Variants in ECPAS observed in about 807,000 individuals in gnomAD.
ECPAS encodes Ecm29 proteasome adaptor and scaffold.
In ECPAS, 70 loss-of-function variants were observed where a neutral mutation model predicts 255.1. That is an observed-to-expected ratio of 0.27 (90% CI 0.23 to 0.33). ECPAS has a LOEUF of 0.33. Ranked by LOEUF, ECPAS falls within the 10% of genes least tolerant of loss-of-function variation. The pLI is 1.00. For synonymous variants in ECPAS, 784 were observed against 775.0 expected (o/e 1.01, Z -0.19); for missense variants, 1,817 against 2,206.4 (o/e 0.82, Z 3.54).
At chr9:111,436,059 TGAA>T (rs1248157862) in intron 7 of ECPAS, among the ~76,000 whole-genome samples, 1 of 150,948 alleles carries the variant, frequency 6.6e-6, no homozygotes, top group East Asian at 1.9e-4. Flanking sequence ...CCATAAAACA[TGAA>T]GAAGGAAATC....
chr9:111,419,954 T>A (rs2098210793), intron 16 of ECPAS, 63 bp downstream of exon 16: 13 of 1,200,684 alleles, frequency 1.1e-5, no homozygotes, highest in Non-Finnish European at 1.6e-5. Flanking sequence ...AATACAACTT[T>A]TAGTAATTTT....
chr9:111,440,981 T>C (rs1225196104), intron 5 of ECPAS, among the ~76,000 whole-genome samples: 4 of 148,932 alleles, frequency 2.7e-5, no homozygotes, highest in African/African-American at 9.9e-5. Context: ...TGAAACCCCG[T>C]CTCTACTAAA....
rs1564538701 is a variant in ECPAS at position 111,428,116 on chromosome 9, T to C, written c.976A>G (p.Arg326Gly). 1 of 1,612,914 alleles carries C rather than the reference T, an allele frequency of 6.2e-7. No homozygotes were observed. The highest frequency in any genetic ancestry group is 8.5e-7 in the Non-Finnish European group (1 of 1,179,370). ...TGGGGGACAATCTTTAACTTGACTC[T>C]TGTACTGACAGGGTCCCTTTTCAAC... is the stretch of plus-strand genomic sequence containing the variant. ...PELKRDPVST[R>G]VKLKIVPHLL... The change falls in exon 10 of 50, where the codon AGA becomes GGA. Residue 326 changes from arginine to glycine, a missense_variant. This residue lies in a region of ECPAS where 573 missense variants were observed against 716.2 expected (regional missense o/e 0.80). Transcript: ENST00000684092.
intron 25 of ECPAS, among the ~76,000 whole-genome samples, chr9:111,394,843 G>A (rs1490164796): frequency 1.3e-5 from 2 of 152,142 alleles, no homozygotes; most frequent in Non-Finnish European, 2.9e-5. Context: ...CAAGTGTCTA[G>A]GGGGAAAAAT....
chr9:111,411,447 C>T lies in ECPAS; in HGVS notation c.2215-305G>A, dbSNP rs117450766. 1.4e-3 allele frequency among the ~76,000 whole-genome samples: 217 copies of T among 152,332 alleles called. 2 individuals are homozygous for T. The highest frequency in any genetic ancestry group is 5.0e-3 in the East Asian group (26 of 5,186). ...TCCTACATGCTCCTACATGCTCCCACGCCACTTTCCAGCTTACAGCACTTA... is the reference window on the plus strand; with the variant it reads ...TCCTACATGCTCCTACATGCTCCCATGCCACTTTCCAGCTTACAGCACTTA... On this transcript the variant is annotated intron_variant, in intron 21 of 49. Coordinates refer to ENST00000684092, the MANE Select transcript of ECPAS (RefSeq NM_001364929.1).
At chr9:111,444,804 C>T (rs901304044) in intron 3 of ECPAS, among the ~76,000 whole-genome samples, 4 of 152,024 alleles carry the variant, frequency 2.6e-5, no homozygotes, top group Non-Finnish European at 4.4e-5. Flanking sequence ...TCCGCCTCCC[C>T]GATTCAAGCA....
intron 2 of ECPAS, among the ~76,000 whole-genome samples, chr9:111,466,616 T>TAC (rs55763374): frequency 0.13 from 19,045 of 143,366 alleles, 1,324 homozygotes; most frequent in African/African-American, 0.19. Flanking sequence ...AATAACTAAA[T>TAC]ACACACACAC....
intron 28 of ECPAS, among the ~76,000 whole-genome samples, chr9:111,392,478 C>T (rs117977967): frequency 1.1e-3 from 169 of 152,278 alleles, no homozygotes; most frequent in Non-Finnish European, 2.1e-3. Context: ...GCTTCTTCTC[C>T]GTATCTTAAC....
chr9:111,372,394 T>C (rs753351118), intron 42 of ECPAS, 35 bp downstream of exon 42: 3 of 1,576,524 alleles, frequency 1.9e-6, no homozygotes, highest in Non-Finnish European at 2.6e-6. Context: ...CTGTGATTCC[T>C]AAGAAGCAGG....
chr9:111,423,396 G>A (rs1056753528), intron 12 of ECPAS, 148 bp from the exon 13 acceptor site: 14 of 617,618 alleles, frequency 2.3e-5, no homozygotes, highest in Non-Finnish European at 3.7e-5. Flanking sequence ...CTAACTACAT[G>A]GTGTTAGCAC....
rs1470740522 is a variant in ECPAS at position 111,484,068 on chromosome 9, C to T, written c.-83+48G>A. ...CGGGCGGCCCGGCCTAACCGCGCCGCCGCGCGCGCAGGGCCAGTCCCCCGC... is the reference window on the plus strand; with the variant it reads ...CGGGCGGCCCGGCCTAACCGCGCCGTCGCGCGCGCAGGGCCAGTCCCCCGC... On this transcript the variant is annotated intron_variant, in intron 1 of 49. Transcript: ENST00000684092. 1.5e-5 allele frequency: 17 copies of T among 1,148,022 alleles called. No individual in the cohort carries two copies. Among genetic ancestry groups the T allele is most frequent in the Non-Finnish European group, 1.8e-5 (17 of 936,054 alleles). 71.1% of individuals were successfully genotyped at this position (1,148,022 alleles called of 1,614,324 possible).
chr9:111,470,115 T>C (rs1258591267), intron 2 of ECPAS, among the ~76,000 whole-genome samples: 1 of 152,118 alleles, frequency 6.6e-6, no homozygotes, highest in East Asian at 1.9e-4. Context: ...AGGAGGTCCC[T>C]GCTGATGGAG....
intron 24 of ECPAS, 136 bp downstream of exon 24, chr9:111,408,435 G>A: frequency 1.7e-6 from 1 of 574,676 alleles, no homozygotes; most frequent in Non-Finnish European, 3.1e-6. Flanking sequence ...CACAAAACTA[G>A]TACTCAAGTA....
chr9:111,376,506 T>C lies in ECPAS; in HGVS notation c.3990A>G (p.Lys1330=), dbSNP rs777001231. Reference sequence around the variant, plus strand: ...TGATTGTTTCCATCATTGGAGAAGATTTGGCAGCACTAAGCCGAGCACTAT... The same window carrying C: ...TGATTGTTTCCATCATTGGAGAAGACTTGGCAGCACTAAGCCGAGCACTAT... ...AMDSARLSAA[K]SSPMMETINM... Residue 1330 remains lysine (K), a synonymous_variant, in exon 37 of 50, where the codon AAA becomes AAG. Coordinates refer to ENST00000684092, the MANE Select transcript of ECPAS (RefSeq NM_001364929.1). 5.0e-6 allele frequency: 8 copies of C among 1,600,676 alleles called. No homozygotes were observed. The Admixed American group carries it at 1.4e-4, about 27-fold the overall frequency.
intron 5 of ECPAS, among the ~76,000 whole-genome samples, chr9:111,441,171 AAAAAAAT>A (rs1466379669): frequency 2.3e-4 from 35 of 150,886 alleles, no homozygotes; most frequent in Middle Eastern, 6.9e-3. Flanking sequence ...AAATAAAAAT[AAAAAAAT>A]AAAAAATAAA....
At chr9:111,391,956 T>C (rs1259074276) in intron 28 of ECPAS, 132 bp from the exon 29 acceptor site, 1 of 684,922 alleles carries the variant, frequency 1.5e-6, no homozygotes, top group Non-Finnish European at 2.5e-6. Flanking sequence ...AAAAGTCCTT[T>C]CCGGCCGGGC....
chr9:111,414,107 A>T, intron 19 of ECPAS, 121 bp from the exon 20 acceptor site: 1 of 655,214 alleles, frequency 1.5e-6, no homozygotes, highest in Non-Finnish European at 2.5e-6. Flanking sequence ...TTCTATTAAA[A>T]AAAAAAAAAA....
At chr9:111,417,341 A>G (rs1178714769) in intron 17 of ECPAS, among the ~76,000 whole-genome samples, 3 of 152,246 alleles carry the variant, frequency 2.0e-5, no homozygotes, top group African/African-American at 7.2e-5. Context: ...CAAGCATGAA[A>G]GGAATTATAA....
chr9:111,372,485 T>C lies in ECPAS; in HGVS notation c.4472A>G (p.Lys1491Arg). The C allele has an allele frequency of 6.2e-7, 1 of 1,613,894 alleles. No individual in the cohort carries two copies. The highest frequency in any genetic ancestry group is 8.5e-7 in the Non-Finnish European group (1 of 1,179,794). Residue 1491 changes from lysine (K) to arginine (R), a missense_variant, in exon 42 of 50, where the codon AAA (lysine) becomes AGA (arginine). Transcript: ENST00000684092. ...TAAATTACATTCTTCTTTTTCGGAT[T>C]TCTCCTCATCAGCAATTTCATGCAT... ...LGMHEIADEE[K>R]SEKEECNLWT...
Sources: gnomAD v4.1 joint callset for allele counts (sites outside exome capture counted in the v4.1 genomes callset) on GRCh38, gnomAD v4.1.1 for gene constraint, gnomAD v4.1.1 regional missense constraint, MANE v1.5 for transcripts, NCBI Gene and HGNC (gene_info 2026-07-23, HGNC 2026-07-21) for gene names.